Variants in TSHZ2 observed in about 807,000 individuals in gnomAD.
The protein encoded by TSHZ2 is teashirt homolog 2.
A neutral mutation model predicts 74.4 loss-of-function variants in TSHZ2; 21 were observed. The observed-to-expected ratio is 0.28, with a 90% CI of 0.20 to 0.41. The LOEUF is 0.41. TSHZ2 is among the 10% of genes least tolerant of loss of function. The pLI, the probability that TSHZ2 is intolerant of heterozygous loss-of-function variation, is 1.00. For missense variants in TSHZ2, 1,244 were observed against 1,293.5 expected (o/e 0.96, Z 0.59); for synonymous variants, 540 against 515.3 (o/e 1.05, Z -0.65).
At chr20:53,471,560 T>A (rs1985799943) in intron 2 of TSHZ2, among the ~76,000 whole-genome samples, 1 of 152,202 alleles carries the variant, frequency 6.6e-6, no homozygotes, top group Non-Finnish European at 1.5e-5. Flanking sequence ...AAAAGACTTA[T>A]TTGAGAAAGC....
chr20:53,275,564 T>C (rs971442730), intron 2 of TSHZ2, among the ~76,000 whole-genome samples: 2 of 152,160 alleles, frequency 1.3e-5, no homozygotes, highest in Non-Finnish European at 2.9e-5. Flanking sequence ...CTGTGTGCTG[T>C]ATAATTCCTA....
At chr20:53,117,990 A>T (rs970196602) in intron 1 of TSHZ2, among the ~76,000 whole-genome samples, 3 of 152,230 alleles carry the variant, frequency 2.0e-5, no homozygotes, top group African/African-American at 7.2e-5. Context: ...GTTGGGCCAC[A>T]TGGAGAAGTG....
At chr20:53,194,330 G>A (rs1988807893) in intron 1 of TSHZ2, among the ~76,000 whole-genome samples, 1 of 152,214 alleles carries the variant, frequency 6.6e-6, no homozygotes, top group African/African-American at 2.4e-5. Context: ...GGATCTCCCA[G>A]CTGAGGTGAA....
chr20:53,439,091 C>T (rs1371299213), intron 2 of TSHZ2, among the ~76,000 whole-genome samples: 2 of 152,142 alleles, frequency 1.3e-5, no homozygotes, highest in African/African-American at 4.8e-5. Flanking sequence ...AAAGTACATG[C>T]TCAACAAAAT....
chr20:53,320,935 C>T (rs1378864247), intron 2 of TSHZ2, among the ~76,000 whole-genome samples: 1 of 152,154 alleles, frequency 6.6e-6, no homozygotes, highest in South Asian at 2.1e-4. Flanking sequence ...ATTAGCTGGC[C>T]AGTGCCCATG....
At chr20:53,226,503 T>C (rs2123657283) in intron 1 of TSHZ2, among the ~76,000 whole-genome samples, 1 of 152,180 alleles carries the variant, frequency 6.6e-6, no homozygotes, top group Non-Finnish European at 1.5e-5. Flanking sequence ...AGTAACCGTG[T>C]CAAATCCTTA....
intron 2 of TSHZ2, among the ~76,000 whole-genome samples, chr20:53,306,752 T>A (rs1025715683): frequency 1.3e-5 from 2 of 152,218 alleles, no homozygotes; most frequent in Non-Finnish European, 2.9e-5. Context: ...TAATGAAATC[T>A]GTGGCTCAGA....
At chr20:53,428,354 A>G (rs149176018) in intron 2 of TSHZ2, among the ~76,000 whole-genome samples, 52 of 152,336 alleles carry the variant, frequency 3.4e-4, no homozygotes, top group African/African-American at 1.2e-3. Context: ...TATTATTATT[A>G]TAGCTCTCTG....
At chr20:53,484,365 C>T (rs1202562815) in intron 2 of TSHZ2, among the ~76,000 whole-genome samples, 3 of 148,370 alleles carry the variant, frequency 2.0e-5, no homozygotes, top group African/African-American at 5.0e-5. Context: ...GGACAAGTCA[C>T]TTACTTTTAT....
At chr20:53,176,319 C>G (rs1988335530) in intron 1 of TSHZ2, among the ~76,000 whole-genome samples, 1 of 152,200 alleles carries the variant, frequency 6.6e-6, no homozygotes, top group African/African-American at 2.4e-5. Context: ...TTAAAAGTTG[C>G]TGAACACCTG....
At chr20:53,011,110 A>G (rs1247676585) in intron 1 of TSHZ2, among the ~76,000 whole-genome samples, 1 of 152,220 alleles carries the variant, frequency 6.6e-6, no homozygotes, top group Non-Finnish European at 1.5e-5. Context: ...TATGTAACTC[A>G]GGGAAAAAAT....
chr20:53,255,234 A>C lies in TSHZ2; in HGVS notation c.1776A>C (p.Thr592=), dbSNP rs1404898083. The C allele has an allele frequency of 1.2e-6, 2 of 1,614,098 alleles. No homozygotes were observed. The highest frequency in any genetic ancestry group is 1.7e-6 in the Non-Finnish European group (2 of 1,180,048). ...TGATGCCACTGGTTTCTATGCCCACACACCTGGCCCCTTACACTCAAGTCA... is the reference window on the plus strand; with the variant it reads ...TGATGCCACTGGTTTCTATGCCCACCCACCTGGCCCCTTACACTCAAGTCA... The part of the protein sequence containing the change: ...WKVMPLVSMP[T]HLAPYTQVKK... The change falls in exon 2 of 3, where the codon ACA becomes ACC. Residue 592 remains threonine, a synonymous_variant. Transcript: ENST00000371497. This position sits in a 1 kb window ranked among gnomAD's most constrained non-coding sequence, Gnocchi z 4.1.
At position 53,033,745 on chromosome 20, in the gene TSHZ2, C is replaced by T. The variant is rs542341073; in HGVS notation, c.40+60412C>T. On this transcript the variant is annotated intron_variant, in intron 1 of 2. Transcript: ENST00000371497. ...TGTGATCTCGGCTCACTGCAACCTCCACCTCCCTGGTTCGAGCAATTTGCT... is the reference window on the plus strand; with the variant it reads ...TGTGATCTCGGCTCACTGCAACCTCTACCTCCCTGGTTCGAGCAATTTGCT... Among the ~76,000 whole-genome samples the T allele has an allele frequency of 3.5e-5, 5 of 142,488 alleles. No homozygotes were observed. The Admixed American group carries it at 3.5e-4, about 10-fold the overall frequency. The allele number at this position is 142,488 out of a possible 152,430, so 93.5% of individuals were successfully genotyped here.
chr20:53,310,827 T>G (rs555451023), intron 2 of TSHZ2, among the ~76,000 whole-genome samples: 2 of 152,234 alleles, frequency 1.3e-5, no homozygotes, highest in Non-Finnish European at 2.9e-5. Context: ...ATTATGAAAG[T>G]GACATCCCAT....
chr20:52,995,429 G>T (rs56035508), intron 1 of TSHZ2, among the ~76,000 whole-genome samples: 3,164 of 152,156 alleles, frequency 0.021, 48 homozygotes, highest in Middle Eastern at 0.041. Context: ...ACTTTCTCTG[G>T]CTCTGTGCAT....
At chr20:53,379,013 A>G (rs156619) in intron 2 of TSHZ2, among the ~76,000 whole-genome samples, 133,710 of 152,236 alleles carry the variant, frequency 0.88, 58,836 homozygotes, top group African/African-American at 0.9. Context: ...CACAGGTACC[A>G]TGTGGGATTT....
At chr20:53,356,561 G>A (rs1310175513) in intron 2 of TSHZ2, among the ~76,000 whole-genome samples, 1 of 152,148 alleles carries the variant, frequency 6.6e-6, no homozygotes, top group Admixed American at 6.5e-5. Flanking sequence ...TGCTTGAACA[G>A]TCTTTTAGAC....
intron 1 of TSHZ2, among the ~76,000 whole-genome samples, chr20:53,250,484 GT>G (rs1322210345): frequency 1.3e-5 from 2 of 151,884 alleles, no homozygotes; most frequent in African/African-American, 4.8e-5. Context: ...ATTGAAAGGT[GT>G]TTTTTTAAAA....
At chr20:53,328,640 T>C (rs1979591811) in intron 2 of TSHZ2, among the ~76,000 whole-genome samples, 1 of 152,230 alleles carries the variant, frequency 6.6e-6, no homozygotes, top group Admixed American at 6.5e-5. Context: ...ATCTTTCTAT[T>C]CTAATCATAA....
Sources: gnomAD v4.1 joint callset for allele counts (sites outside exome capture counted in the v4.1 genomes callset) on GRCh38, gnomAD v4.1.1 for gene constraint, Gnocchi (gnomAD v3.1) non-coding constraint, MANE v1.5 for transcripts, NCBI Gene and HGNC (gene_info 2026-07-23, HGNC 2026-07-21) for gene names.